The following TMEM108 variants were observed in gnomAD, a reference collection of about 807,000 sequenced individuals.
The protein encoded by TMEM108 is transmembrane protein 108, also known as cancer/testis antigen 124.
Under a neutral mutation model 35.1 loss-of-function variants are expected in TMEM108, and 12 were observed. That is an observed-to-expected ratio of 0.34 (90% CI 0.22 to 0.55). TMEM108 has a LOEUF of 0.55. Ranked by LOEUF, TMEM108 falls within the 20% of genes least tolerant of loss-of-function variation. The pLI is 0.89. For missense variants in TMEM108, 680 were observed against 753.3 expected (o/e 0.90, Z 1.14); for synonymous variants, 287 against 308.6 (o/e 0.93, Z 0.73).
chr3:133,328,760 A>C (rs1403058518), intron 3 of TMEM108, among the ~76,000 whole-genome samples: 1 of 152,134 alleles, frequency 6.6e-6, no homozygotes, highest in East Asian at 1.9e-4. Flanking sequence ...CCACATGTTT[A>C]TTTTACTTTT....
intron 2 of TMEM108, among the ~76,000 whole-genome samples, chr3:133,094,469 C>T (rs939660076): frequency 5.9e-5 from 9 of 152,054 alleles, no homozygotes; most frequent in African/African-American, 2.2e-4. Flanking sequence ...AGAGTAAGAC[C>T]TGACGCATAA....
At chr3:133,382,663 G>C (rs547777824) in intron 4 of TMEM108, among the ~76,000 whole-genome samples, 46 of 152,346 alleles carry the variant, frequency 3.0e-4, no homozygotes, top group African/African-American at 1.1e-3. Flanking sequence ...CTGATCTCAA[G>C]AGGAACAAAG....
chr3:133,140,567 A>G (rs1187842060), intron 2 of TMEM108, among the ~76,000 whole-genome samples: 2 of 152,240 alleles, frequency 1.3e-5, no homozygotes, highest in Non-Finnish European at 2.9e-5. Context: ...AATTTATAAG[A>G]TCTTTTTTTG....
chr3:133,059,897 A>G (rs1576297075), intron 2 of TMEM108, among the ~76,000 whole-genome samples: 1 of 152,348 alleles, frequency 6.6e-6, no homozygotes, highest in South Asian at 2.1e-4. Context: ...TAGACCAAGC[A>G]TGAGAGTCCA....
At chr3:133,322,243 T>C (rs908040826) in intron 3 of TMEM108, among the ~76,000 whole-genome samples, 1 of 152,128 alleles carries the variant, frequency 6.6e-6, no homozygotes, top group African/African-American at 2.4e-5. Flanking sequence ...AAGCTGGTTC[T>C]TTGAAAAGAT....
intron 3 of TMEM108, among the ~76,000 whole-genome samples, chr3:133,374,317 T>A (rs2072766907): frequency 6.6e-6 from 1 of 152,124 alleles, no homozygotes; most frequent in South Asian, 2.1e-4. Flanking sequence ...CTCAGACTGC[T>A]ATGATTCGCT....
chr3:133,345,451 G>A (rs993541832), intron 3 of TMEM108, among the ~76,000 whole-genome samples: 3 of 151,714 alleles, frequency 2.0e-5, no homozygotes, highest in Non-Finnish European at 4.4e-5. Flanking sequence ...CTTATTATGT[G>A]TAGTCATTAT....
intron 2 of TMEM108, among the ~76,000 whole-genome samples, chr3:133,078,347 A>G (rs906430385): frequency 1.3e-5 from 2 of 152,044 alleles, no homozygotes; most frequent in South Asian, 2.1e-4. Flanking sequence ...CCCAATTCTT[A>G]AGTATTAGAA....
chr3:133,102,814 G>T (rs1256051617), intron 2 of TMEM108, among the ~76,000 whole-genome samples: 1 of 152,088 alleles, frequency 6.6e-6, no homozygotes, highest in East Asian at 1.9e-4. Context: ...AAAAGTCAAA[G>T]AAATGAGAGG....
intron 3 of TMEM108, among the ~76,000 whole-genome samples, chr3:133,234,761 C>T (rs977525000): frequency 3.9e-5 from 6 of 152,002 alleles, no homozygotes; most frequent in African/African-American, 1.5e-4. Flanking sequence ...GGCAATTAGG[C>T]AGGAGAAGGA....
At position 133,181,086 on chromosome 3, in the gene TMEM108, C is replaced by T. The variant is rs1040495286; in HGVS notation, c.-46-48180C>T. ...TTATTTTTATTTGGAGAATAAGAGACCTTTTCTCAATTGTCTTTCGATAAA... is the reference window on the plus strand; with the variant it reads ...TTATTTTTATTTGGAGAATAAGAGATCTTTTCTCAATTGTCTTTCGATAAA... On this transcript the variant is annotated intron_variant, in intron 2 of 5. Coordinates refer to ENST00000321871, the MANE Select transcript of TMEM108 (RefSeq NM_023943.4). 2.1e-5 allele frequency among the ~76,000 whole-genome samples: 3 copies of T among 142,112 alleles called. No individual in the cohort carries two copies. The South Asian group carries it at 6.9e-4, about 33-fold the overall frequency. The allele number at this position is 142,112 out of a possible 152,430, so 93.2% of individuals were successfully genotyped here.
At chr3:133,157,835 T>C (rs1024949540) in intron 2 of TMEM108, among the ~76,000 whole-genome samples, 1 of 152,178 alleles carries the variant, frequency 6.6e-6, no homozygotes, top group Non-Finnish European at 1.5e-5. Flanking sequence ...TCTCAGGGTG[T>C]GTGTAAGCCA....
At chr3:133,270,459 G>A (rs184817808) in intron 3 of TMEM108, among the ~76,000 whole-genome samples, 1 of 152,124 alleles carries the variant, frequency 6.6e-6, no homozygotes, top group Non-Finnish European at 1.5e-5. Flanking sequence ...AGTTTGTGAC[G>A]TTCCCTAGGT....
intron 2 of TMEM108, among the ~76,000 whole-genome samples, chr3:133,055,482 C>G (rs1943455661): frequency 6.6e-6 from 1 of 152,178 alleles, no homozygotes; most frequent in African/African-American, 2.4e-5. Flanking sequence ...GATCCTGAAT[C>G]CTTTATTCCC....
chr3:133,304,998 G>A (rs1456796967), intron 3 of TMEM108, among the ~76,000 whole-genome samples: 3 of 152,062 alleles, frequency 2.0e-5, no homozygotes, highest in Non-Finnish European at 2.9e-5. Context: ...CAGGAGAATC[G>A]CTTGAGCCTG....
intron 2 of TMEM108, among the ~76,000 whole-genome samples, chr3:133,149,974 A>G (rs976877632): frequency 3.3e-5 from 5 of 152,188 alleles, no homozygotes; most frequent in Admixed American, 2.0e-4. Flanking sequence ...TCTCTTTGAC[A>G]TACTGATTTC....
At chr3:133,233,288 T>C (rs1946183309) in intron 3 of TMEM108, among the ~76,000 whole-genome samples, 1 of 152,038 alleles carries the variant, frequency 6.6e-6, no homozygotes, top group Admixed American at 6.6e-5. Context: ...GAATATGCAG[T>C]GTTTGGTTTT....
chr3:133,059,024 C>G (rs936710591), intron 2 of TMEM108, among the ~76,000 whole-genome samples: 3 of 152,200 alleles, frequency 2.0e-5, no homozygotes, highest in African/African-American at 7.2e-5. Flanking sequence ...TGGTTAGGTT[C>G]TGGTGAGGAC....
At chr3:133,103,806 G>C (rs939558136) in intron 2 of TMEM108, among the ~76,000 whole-genome samples, 1 of 152,190 alleles carries the variant, frequency 6.6e-6, no homozygotes, top group African/African-American at 2.4e-5. Flanking sequence ...CTGGAGGTCA[G>C]ATGTAGGCCA....
Sources: gnomAD v4.1 joint callset for allele counts (sites outside exome capture counted in the v4.1 genomes callset) on GRCh38, gnomAD v4.1.1 for gene constraint, MANE v1.5 for transcripts, NCBI Gene and HGNC (gene_info 2026-07-23, HGNC 2026-07-21) for gene names.